Variants in PECR observed in about 807,000 individuals in gnomAD.
PECR encodes peroxisomal trans-2-enoyl-CoA reductase, also known as 2,4-dienoyl-CoA reductase-related protein.
Under a neutral mutation model 35.3 loss-of-function variants are expected in PECR, and 30 were observed. The observed-to-expected ratio is 0.85, with a 90% confidence interval of 0.64 to 1.15. PECR has a LOEUF of 1.15. Ranked by LOEUF, PECR falls within the 50% of genes most tolerant of loss-of-function variation. PECR has a pLI of 0.00. For missense variants in PECR, 392 were observed against 370.8 expected (o/e 1.06, Z -0.47); for synonymous variants, 148 against 138.9 (o/e 1.07, Z -0.46).
At chr2:216,067,495 A>G (rs1245186130) in intron 1 of PECR, among the ~76,000 whole-genome samples, 4 of 152,144 alleles carry the variant, frequency 2.6e-5, no homozygotes, top group African/African-American at 9.7e-5. Context: ...AGAGTATCAA[A>G]TTGTTTTCAA....
chr2:216,052,685 T>A (rs867228906), intron 4 of PECR, among the ~76,000 whole-genome samples: 8 of 152,304 alleles, frequency 5.3e-5, no homozygotes, highest in Non-Finnish European at 8.8e-5. Context: ...TGTACACTTT[T>A]CTTCATGTTT....
chr2:216,064,316 T>C (rs1342012325), intron 3 of PECR, among the ~76,000 whole-genome samples: 1 of 152,196 alleles, frequency 6.6e-6, no homozygotes, highest in Non-Finnish European at 1.5e-5. Flanking sequence ...GGTATGATCA[T>C]TTAACTGAAT....
chr2:216,071,719 C>T (rs967306197), intron 1 of PECR, among the ~76,000 whole-genome samples: 74 of 152,178 alleles, frequency 4.9e-4, no homozygotes, highest in African/African-American at 1.6e-3. Flanking sequence ...GCTACAGTAA[C>T]GCCCTGCAAG....
chr2:216,073,179 T>C (rs1363492433), intron 1 of PECR, among the ~76,000 whole-genome samples: 1 of 152,204 alleles, frequency 6.6e-6, no homozygotes, highest in Non-Finnish European at 1.5e-5. Flanking sequence ...ACATACGTTA[T>C]ACTGTTAGGA....
intron 1 of PECR, 52 bp from the exon 2 acceptor site, chr2:216,066,570 G>A: frequency 1.9e-6 from 3 of 1,558,844 alleles, no homozygotes; most frequent in Admixed American, 3.3e-5. Context: ...GGGATGCAAT[G>A]ACCACATTAC....
chr2:216,079,236 A>G (rs530286640), intron 1 of PECR, among the ~76,000 whole-genome samples: 128 of 152,070 alleles, frequency 8.4e-4, no homozygotes, highest in South Asian at 3.3e-3. Context: ...GTCGTAACCA[A>G]AGATAATTTA....
rs746210934 is a variant in PECR, at chr2:216,039,375, G to A, written c.827-15C>T. 53 of 1,475,722 alleles carry A rather than the reference G, an allele frequency of 3.6e-5. 1 individual carries two copies. In the South Asian group the frequency reaches 5.5e-4, roughly 15 times the overall value. 91.4% of individuals were successfully genotyped at this position (1,475,722 alleles called of 1,614,324 possible). The stretch of plus-strand genomic sequence containing the variant: ...GTTGTCATGATCTGTTAAAGAAGTG[G>A]AAAGCCTCCTGTCACTTGCAAATCT... On this transcript the variant is annotated splice_polypyrimidine_tract_variant and intron_variant, in intron 7 of 7. Coordinates refer to ENST00000265322, the MANE Select transcript of PECR (RefSeq NM_018441.6).
intron 7 of PECR, 118 bp downstream of exon 7, chr2:216,043,786 A>G (rs1694940724): frequency 1.5e-6 from 1 of 678,798 alleles, no homozygotes; most frequent in Non-Finnish European, 2.8e-6. Context: ...CATTTTGTAC[A>G]TTTTGATGTT....
rs1695837129 is a variant in PECR at position 216,081,192 on chromosome 2, CTTGCTGT to C, written c.124+419_124+425del. 2.0e-5 allele frequency among the ~76,000 whole-genome samples: 3 copies of C among 152,224 alleles called. No individual in the cohort carries two copies. The South Asian group carries it at 6.2e-4, about 32-fold the overall frequency. ...TTAAGGTAAATATTCAGCATATTTC[CTTGCTGT>C]GGTTAAGAGATGTGAGAAGATACTA... On this transcript the variant is annotated intron_variant, in intron 1 of 7. Transcript: ENST00000265322.
rs182039478 is a variant in PECR, at chr2:216,047,474, C to T, written c.714+1789G>A. Among the ~76,000 whole-genome samples, 9 of 152,192 alleles carry T rather than the reference C, an allele frequency of 5.9e-5. No homozygotes were observed. The East Asian group carries it at 1.4e-3, about 23-fold the overall frequency. Reference sequence around the variant, plus strand: ...ATAGGGAGTCTAATTTATTACTAAACGGCCAAATGCCCCCAACACTTTGCT... The same window carrying T: ...ATAGGGAGTCTAATTTATTACTAAATGGCCAAATGCCCCCAACACTTTGCT... On this transcript the variant is annotated intron_variant, in intron 6 of 7. Coordinates refer to ENST00000265322, the MANE Select transcript of PECR (RefSeq NM_018441.6).
intron 5 of PECR, among the ~76,000 whole-genome samples, chr2:216,049,817 G>A (rs144575731): frequency 1.6e-4 from 25 of 152,220 alleles, no homozygotes; most frequent in African/African-American, 4.1e-4. Context: ...GATTGAAATC[G>A]CAAATAAAGC....
At chr2:216,033,164 G>A (rs774552873) in intron 7 of PECR, among the ~76,000 whole-genome samples, 30 of 152,068 alleles carry the variant, frequency 2.0e-4, no homozygotes, top group Non-Finnish European at 3.8e-4. Flanking sequence ...AATGTATAAT[G>A]TATCTGCCAC....
chr2:216,040,802 C>A (rs1694873495), intron 7 of PECR, among the ~76,000 whole-genome samples: 4 of 151,976 alleles, frequency 2.6e-5, no homozygotes. Flanking sequence ...ACCTGGGAGG[C>A]AGAGATTGCA....
intron 1 of PECR, among the ~76,000 whole-genome samples, chr2:216,077,519 C>T (rs1161070608): frequency 8.2e-6 from 1 of 121,780 alleles, no homozygotes; most frequent in Non-Finnish European, 1.7e-5. Flanking sequence ...AAAAAAAATA[C>T]ATGCAGGGCC....
At chr2:216,045,513 A>C (rs918153101) in intron 6 of PECR, among the ~76,000 whole-genome samples, 2 of 152,250 alleles carry the variant, frequency 1.3e-5, no homozygotes, top group Admixed American at 1.3e-4. Flanking sequence ...GTATTAGGCT[A>C]AGTCAAATAT....
intron 4 of PECR, among the ~76,000 whole-genome samples, chr2:216,055,477 A>AC (rs1695208590): frequency 6.6e-6 from 1 of 152,062 alleles, no homozygotes; most frequent in Non-Finnish European, 1.5e-5. Flanking sequence ...AAACAAACAA[A>AC]AAAAAACACT....
chr2:216,049,046 CTGT>C (rs1695051786), intron 6 of PECR, among the ~76,000 whole-genome samples: 1 of 152,056 alleles, frequency 6.6e-6, no homozygotes, highest in South Asian at 2.1e-4. Flanking sequence ...AAAAAAAATG[CTGT>C]TATTAATTTA....
chr2:216,030,938 TCTCTCTCTCTCTCTCTCTCACACACA>T (rs1401100210), intron 7 of PECR, among the ~76,000 whole-genome samples: 48 of 51,034 alleles, frequency 9.4e-4, no homozygotes, highest in Middle Eastern at 0.02. Context: ...TCTCTCTCTC[TCTCTCTCTCTCTCTCTCTCACACACA>T]CACACACACA....
chr2:216,035,163 G>A (rs759272025), downstream of PECR, among the ~76,000 whole-genome samples: 5 of 152,196 alleles, frequency 3.3e-5, no homozygotes, highest in Non-Finnish European at 5.9e-5. Context: ...CTGAGCCAGC[G>A]GGCTCTGAAG....
Sources: gnomAD v4.1 joint callset for allele counts (sites outside exome capture counted in the v4.1 genomes callset) on GRCh38, gnomAD v4.1.1 for gene constraint, MANE v1.5 for transcripts, NCBI Gene and HGNC (gene_info 2026-07-23, HGNC 2026-07-21) for gene names.